Variants in TAF6L observed in about 807,000 individuals in gnomAD.
TAF6L encodes TATA-box binding protein associated factor 6 like.
Under a neutral mutation model 57.3 loss-of-function variants are expected in TAF6L, and 34 were observed. The observed-to-expected ratio is 0.59, with a 90% CI of 0.45 to 0.79. The LOEUF (loss-of-function observed/expected upper bound fraction) is 0.79. TAF6L is among the 30% of genes least tolerant of loss of function. The probability of loss-of-function intolerance (pLI) is 0.00; values close to 1 mark genes in which losing one functional copy is unlikely to be tolerated. For synonymous variants in TAF6L, 417 were observed against 376.3 expected, an observed-to-expected ratio of 1.11 and a Z score of -1.25; for missense variants, 782 against 853.2, an observed-to-expected ratio of 0.92 and a Z score of 1.04.
intron 1 of TAF6L, among the ~76,000 whole-genome samples, chr11:62,773,760 G>A (rs679626): frequency 0.11 from 16,470 of 152,092 alleles, 1,994 homozygotes; most frequent in African/African-American, 0.3. Context: ...AAATTCTTAC[G>A]ACTGGTTTGG....
rs1049331503 is a variant in TAF6L at position 62,787,182 on chromosome 11, G to C, written c.1755G>C (p.Pro585=). Residue 585 remains proline, a synonymous_variant, in exon 11 of 11, where the codon CCG becomes CCC. Transcript: ENST00000294168. ...GRLFQTAFPA[P]YGPSPASRYV... is the part of the protein sequence containing the mutation. ...TTTTCCAGACTGCCTTCCCCGCGCC[G>C]TACGGGCCTAGCCCGGCCTCGCGCT... 2 of 1,587,068 alleles carry C rather than the reference G, an allele frequency of 1.3e-6. No homozygotes were observed. Among genetic ancestry groups the C allele is most frequent in the East Asian group, 4.6e-5 (2 of 43,504 alleles).
chr11:62,781,524 A>G (rs183517864), intron 6 of TAF6L, among the ~76,000 whole-genome samples: 2,348 of 151,964 alleles, frequency 0.015, 50 homozygotes, highest in African/African-American at 0.054. Context: ...AATAGAAAAA[A>G]TTAGCCGGGT....
At chr11:62,775,157 A>T (rs1345940804) in intron 1 of TAF6L, among the ~76,000 whole-genome samples, 1 of 152,100 alleles carries the variant, frequency 6.6e-6, no homozygotes, top group African/African-American at 2.4e-5. Flanking sequence ...ACTTACAGTC[A>T]TGGTGGAAGA....
chr11:62,786,567 CAG>C lies in TAF6L; in HGVS notation c.1141_1142del (p.Arg381GlyfsTer69). ...KMKAQAAEPN[R>X]GGPGGRGCRR... is the part of the protein sequence containing the mutation. Reference sequence around the variant, plus strand: ...TGAAGGCCCAGGCAGCAGAGCCCAACAGGGGTGGCCCAGGTGGCAGGGGGTGC... The same window carrying C: ...TGAAGGCCCAGGCAGCAGAGCCCAACGGGTGGCCCAGGTGGCAGGGGGTGC... On this transcript the variant is annotated frameshift_variant, in exon 11 of 11. Transcript: ENST00000294168. LOFTEE classifies it high-confidence loss of function. The C allele has an allele frequency of 1.9e-6, 3 of 1,568,058 alleles. No homozygotes were observed. The highest frequency in any genetic ancestry group is 1.2e-5 in the South Asian group (1 of 82,830).
In TAF6L at chr11:62,786,656, G is replaced by A; in HGVS notation, c.1229G>A (p.Gly410Asp). The change falls in exon 11 of 11, where the codon GGT (glycine) becomes GAT (aspartate). Residue 410 changes from glycine to aspartate, a missense_variant. Gly to Asp is a moderately conservative substitution (Grantham distance 94). Around this residue, in one of 3 missense-constraint regions of TAF6L, gnomAD observed 483 missense variants for 445.1 expected, o/e 1.09. Transcript: ENST00000294168. ...TTTCAAGAGTCGTCCTCCGGGGGCG[G>A]TGCAGAACCCAGCTTTGGGTCCGGC... ...LLFQESSSGGGAEPSFGSGLP... is the reference protein window; with the variant it reads ...LLFQESSSGGDAEPSFGSGLP... The A allele has an allele frequency of 1.9e-6, 3 of 1,610,718 alleles. No individual in the cohort carries two copies. The highest frequency in any genetic ancestry group is 1.3e-5 in the African/African-American group (1 of 74,892).
At position 62,787,290 on chromosome 11, in the gene TAF6L, G is replaced by A. The variant is rs775654765; in HGVS notation, c.1863G>A (p.Pro621=). Residue 621 remains proline (P), a synonymous_variant, in exon 11 of 11, where the codon CCG becomes CCA. Transcript: ENST00000294168. The part of the protein sequence containing the change: ...WALSDYSLYL[P]L ...TCTCGGACTACTCGCTGTACTTGCCGCTCTGAGTCAGTGGCCCCTTCGTTC... is the reference window on the plus strand; with the variant it reads ...TCTCGGACTACTCGCTGTACTTGCCACTCTGAGTCAGTGGCCCCTTCGTTC... 19 of 1,539,352 alleles carry A rather than the reference G, an allele frequency of 1.2e-5. 1 individual carries two copies. The highest frequency in any genetic ancestry group is 6.1e-6 in the Non-Finnish European group (7 of 1,150,316).
rs1419940163 is a variant in TAF6L at position 62,787,148 on chromosome 11, G to A, written c.1721G>A (p.Arg574His). Residue 574 changes from arginine (R) to histidine (H), a missense_variant, in exon 11 of 11, where the codon CGC (arginine) becomes CAC (histidine). By Grantham distance (29) the Arg-to-His change is conservative. Around this residue, in one of 3 missense-constraint regions of TAF6L, gnomAD observed 483 missense variants for 445.1 expected, o/e 1.09. Transcript: ENST00000294168. The stretch of plus-strand genomic sequence containing the variant: ...GGGCGGCAGGCTGGGAGGCGCTGCC[G>A]CGGGCGCCTTTTCCAGACTGCCTTC... ...IAGRQAGRRC[R>H]GRLFQTAFPA... 2 of 1,570,582 alleles carry A rather than the reference G, an allele frequency of 1.3e-6. No individual in the cohort carries two copies. The highest frequency in any genetic ancestry group is 3.6e-5 in the Admixed American group (2 of 56,304).
chr11:62,784,552 C>T lies in TAF6L; in HGVS notation c.961-1708C>T, dbSNP rs191807223. On this transcript the variant is annotated intron_variant, in intron 9 of 10. Coordinates refer to ENST00000294168, the MANE Select transcript of TAF6L (RefSeq NM_006473.4). ...CGATCTCCTGGCCTCATGATCCGCC[C>T]GCCTTGGCCTCCCAAAGTGTTGGGA... Among the ~76,000 whole-genome samples the T allele has an allele frequency of 1.3e-3, 191 of 152,188 alleles. 1 individual carries two copies. The highest frequency in any genetic ancestry group is 0.012 in the Admixed American group (186 of 15,274).
Position 62,776,403 on chromosome 11 carries a change from A to G in TAF6L, c.167A>G (p.Lys56Arg). The change falls in exon 3 of 11, where the codon AAG becomes AGG. Residue 56 changes from lysine (K) to arginine (R), a missense_variant. This residue lies in a region of TAF6L where 220 missense variants were observed against 252.1 expected (regional missense o/e 0.87). Transcript: ENST00000294168. The stretch of plus-strand genomic sequence containing the variant: ...TCCCAGAATAGCTCTCAGTTCATGA[A>G]GCACACCAAACGCCGGAAGCTGACG... The part of the protein sequence containing the change: ...EATQNSSQFM[K>R]HTKRRKLTVE... 4 of 1,613,622 alleles carry G rather than the reference A, an allele frequency of 2.5e-6. No homozygotes were observed. Among genetic ancestry groups the G allele is most frequent in the Non-Finnish European group, 3.4e-6 (4 of 1,179,664 alleles).
Position 62,786,643 on chromosome 11 carries a change from T to C in TAF6L, c.1216T>C (p.Ser406Pro), listed in dbSNP as rs775130493. 1.2e-6 allele frequency: 2 copies of C among 1,603,492 alleles called. No individual in the cohort carries two copies. Among genetic ancestry groups the C allele is most frequent in the Non-Finnish European group, 1.7e-6 (2 of 1,175,344 alleles). ...GGACAGCCTTCTCTTTCAAGAGTCG[T>C]CCTCCGGGGGCGGTGCAGAACCCAG... ...PWDSLLFQESSSGGGAEPSFG... is the reference protein window; with the variant it reads ...PWDSLLFQESPSGGGAEPSFG... The change falls in exon 11 of 11, where the codon TCC (serine) becomes CCC (proline). Residue 406 changes from serine (S) to proline (P), a missense_variant. Around this residue, in one of 3 missense-constraint regions of TAF6L, gnomAD observed 483 missense variants for 445.1 expected, o/e 1.09. Transcript: ENST00000294168.
chr11:62,782,202 GC>G lies in TAF6L; in HGVS notation c.699del (p.Tyr234MetfsTer24). On this transcript the variant is annotated frameshift_variant, in exon 8 of 11. Transcript: ENST00000294168. LOFTEE classifies it high-confidence loss of function. ...LFRNPHLCLG[P>X]YVRCLVGSVL... The stretch of plus-strand genomic sequence containing the variant: ...TTCGTAATCCGCACCTGTGCTTGGG[GC>G]CCTATGTCCGCTGTCTGGTGGGCAG... 1 of 1,614,178 alleles carries G rather than the reference GC, an allele frequency of 6.2e-7. No individual in the cohort carries two copies.
intron 1 of TAF6L, chr11:62,772,118 G>T (rs1267913893): frequency 2.2e-6 from 1 of 456,204 alleles, no homozygotes; most frequent in South Asian, 1.5e-5. Context: ...AGCCTCTGAG[G>T]TTTGATTTCC....
chr11:62,778,483 C>A, intron 5 of TAF6L, 148 bp downstream of exon 5: 2 of 923,882 alleles, frequency 2.2e-6, no homozygotes, highest in Non-Finnish European at 3.4e-6. Flanking sequence ...CTGGGCTCTG[C>A]ATGGAGGGCT....
intron 5 of TAF6L, 93 bp downstream of exon 5, chr11:62,778,428 CAT>C (rs933530527): frequency 7.0e-5 from 102 of 1,448,422 alleles, no homozygotes; most frequent in Admixed American, 5.3e-4. Context: ...CTGCGTCTAA[CAT>C]GTGTTTACCC....
intron 1 of TAF6L, among the ~76,000 whole-genome samples, chr11:62,772,874 T>C (rs2084159454): frequency 6.6e-6 from 1 of 151,708 alleles, no homozygotes; most frequent in Non-Finnish European, 1.5e-5. Context: ...TTTGTTTTTG[T>C]TTTTTGTTTT....
At chr11:62,772,794 G>C (rs1183394231) in intron 1 of TAF6L, among the ~76,000 whole-genome samples, 4 of 142,598 alleles carry the variant, frequency 2.8e-5, no homozygotes, top group Non-Finnish European at 4.5e-5. Context: ...TGAGACATCA[G>C]ACATCATCTC....
chr11:62,786,190 A>G, intron 9 of TAF6L, 70 bp from the exon 10 acceptor site: 1 of 1,549,192 alleles, frequency 6.5e-7, no homozygotes, highest in Non-Finnish European at 8.8e-7. Flanking sequence ...TAGGTCTTTC[A>G]TGGGAAAGGG....
chr11:62,778,455 C>A, intron 5 of TAF6L, 120 bp downstream of exon 5: 1 of 1,267,198 alleles, frequency 7.9e-7, no homozygotes, highest in Non-Finnish European at 1.1e-6. Flanking sequence ...CTGCCTTGTG[C>A]CATGGTCTGA....
intron 3 of TAF6L, among the ~76,000 whole-genome samples, chr11:62,777,305 C>T (rs567562950): frequency 5.3e-5 from 8 of 152,036 alleles, no homozygotes; most frequent in East Asian, 3.9e-4. Flanking sequence ...CCAGCCTGGG[C>T]GAAAGAGCAA....
Sources: allele counts gnomAD v4.1 joint callset (sites outside exome capture counted in the v4.1 genomes callset), GRCh38; gene constraint gnomAD v4.1.1; regional missense constraint gnomAD v4.1.1; transcripts MANE v1.5; gene names NCBI Gene and HGNC (gene_info 2026-07-23, HGNC 2026-07-21).